The following IL7 variants were observed in gnomAD, a reference collection of about 807,000 sequenced individuals.
IL7 encodes the protein interleukin-7.
In IL7, 3 loss-of-function variants were observed where a neutral mutation model predicts 21.6. That is an observed-to-expected ratio of 0.14 (90% CI 0.06 to 0.36). The LOEUF is 0.36. IL7 is among the 10% of genes least tolerant of loss of function. IL7 has a pLI of 1.00. For missense variants in IL7, 175 were observed against 200.2 expected (o/e 0.87, Z 0.76); for synonymous variants, 62 against 68.1 (o/e 0.91, Z 0.44).
At chr8:78,760,971 G>A in intron 2 of IL7, 1 of 1,578,628 alleles carries the variant, frequency 6.3e-7, no homozygotes, top group Admixed American at 1.9e-5. Context: ...ACATTTTTAA[G>A]AACAACAATA....
chr8:78,746,051 A>G (rs6998276), intron 2 of IL7, among the ~76,000 whole-genome samples: 5,631 of 152,294 alleles, frequency 0.037, 315 homozygotes, highest in African/African-American at 0.13. Context: ...CAACATTCTT[A>G]ATTCAATCAC....
chr8:78,680,728 G>A (rs1474108375), intron 4 of IL7, among the ~76,000 whole-genome samples: 2 of 152,178 alleles, frequency 1.3e-5, no homozygotes, highest in African/African-American at 2.4e-5. Context: ...CGTAAGAGGA[G>A]GTATAGGAAA....
downstream of IL7, among the ~76,000 whole-genome samples, chr8:78,728,499 G>A (rs1313458048): frequency 6.6e-6 from 1 of 152,010 alleles, no homozygotes; most frequent in Admixed American, 6.6e-5. Context: ...ATTTACAATA[G>A]TGCAAAGGTA....
intron 2 of IL7, among the ~76,000 whole-genome samples, chr8:78,775,346 A>C (rs1813097217): frequency 6.6e-6 from 1 of 152,106 alleles, no homozygotes; most frequent in Non-Finnish European, 1.5e-5. Context: ...AAAATTATAC[A>C]TATCCTACTC....
chr8:78,790,592 T>C (rs111416652), intron 2 of IL7, among the ~76,000 whole-genome samples: 3,683 of 152,204 alleles, frequency 0.024, 153 homozygotes, highest in African/African-American at 0.084. Context: ...AAATCTGTCC[T>C]TAATATACAT....
intron 2 of IL7, among the ~76,000 whole-genome samples, chr8:78,747,743 G>A (rs1259626708): frequency 1.3e-5 from 2 of 152,152 alleles, no homozygotes; most frequent in Non-Finnish European, 1.5e-5. Flanking sequence ...ATACAACAGG[G>A]ATCAAAATCA....
At chr8:78,708,562 TA>T (rs549929700) in intron 3 of IL7, among the ~76,000 whole-genome samples, 3 of 151,622 alleles carry the variant, frequency 2.0e-5, no homozygotes, top group Non-Finnish European at 2.9e-5. Context: ...TTTTTAAATG[TA>T]AAAAAAAGCA....
rs376924937 is a variant in IL7, at chr8:78,720,064, T to G, written n.477-954A>C. ...TCAAGGTTAATAGGAAACATGGACG[T>G]TTCTAGTTAAGAGCTATACAGTTTA... On this transcript the variant is annotated intron_variant and non_coding_transcript_variant, in intron 5 of 6. Coordinates refer to the IL7 transcript ENST00000519833. 4.6e-5 allele frequency among the ~76,000 whole-genome samples: 7 copies of G among 151,944 alleles called. No homozygotes were observed. The East Asian group carries it at 7.7e-4, about 17-fold the overall frequency.
rs988930777 is a variant in IL7, at chr8:78,755,753, A to G, written c.148-15671T>C. On this transcript the variant is annotated intron_variant, in intron 2 of 5. Transcript: ENST00000263851. ...CCTGGTGGAGTATTTAGATTTTTCTATGTATAATCATGTCATCTGCAAAGA... is the reference window on the plus strand; with the variant it reads ...CCTGGTGGAGTATTTAGATTTTTCTGTGTATAATCATGTCATCTGCAAAGA... 2.8e-4 allele frequency among the ~76,000 whole-genome samples: 42 copies of G among 152,082 alleles called. 1 individual carries two copies. In the East Asian group the frequency reaches 3.3e-3, roughly 12 times the overall value.
rs376881218 is a variant in IL7 at position 78,733,167 on chromosome 8, C to T, written c.*546G>A. 6.6e-6 allele frequency: 1 copy of T among 151,862 alleles called. No homozygotes were observed. Among genetic ancestry groups the T allele is most frequent in the African/African-American group, 2.4e-5 (1 of 41,322 alleles). 9.4% of individuals were successfully genotyped at this position (151,862 alleles called of 1,614,324 possible). On this transcript the variant is annotated 3_prime_UTR_variant, in exon 6 of 6. Transcript: ENST00000263851. Reference sequence around the variant, plus strand: ...GAAATCTCTTTTAGGTATCTTGGACCTTGTTATGCTGTTGCTTACTTAAGG... The same window carrying T: ...GAAATCTCTTTTAGGTATCTTGGACTTTGTTATGCTGTTGCTTACTTAAGG...
rs1812174701 is a variant in IL7 at position 78,751,600 on chromosome 8, T to C, written c.148-11518A>G. 2.6e-5 allele frequency among the ~76,000 whole-genome samples: 4 copies of C among 152,294 alleles called. 1 individual carries two copies. The highest frequency in any genetic ancestry group is 1.3e-4 in the Admixed American group (2 of 15,304). On this transcript the variant is annotated intron_variant, in intron 2 of 5. Coordinates refer to ENST00000263851, the MANE Select transcript of IL7 (RefSeq NM_000880.4). ...ATAAGTGAAGGTAAAATAAATACTT[T>C]CCCTTATTTTTACTTTTTTTCCTTT... is the stretch of plus-strand genomic sequence containing the variant.
intron 2 of IL7, among the ~76,000 whole-genome samples, chr8:78,770,833 C>T (rs1434499158): frequency 6.6e-6 from 1 of 152,066 alleles, no homozygotes; most frequent in East Asian, 1.9e-4. Flanking sequence ...TAAAATCACT[C>T]TTCTTTTTTT....
At chr8:78,721,645 C>T (rs1811240036) in intron 3 of IL7, among the ~76,000 whole-genome samples, 1 of 151,930 alleles carries the variant, frequency 6.6e-6, no homozygotes, top group Non-Finnish European at 1.5e-5. Flanking sequence ...GATTTTCACT[C>T]ATCAAATCAG....
At chr8:78,761,558 C>G in intron 2 of IL7, 1 of 1,611,918 alleles carries the variant, frequency 6.2e-7, no homozygotes, top group Non-Finnish European at 8.5e-7. Flanking sequence ...AAATTCCTCT[C>G]TTAGGTTATG....
intron 4 of IL7, among the ~76,000 whole-genome samples, chr8:78,678,065 C>G (rs972128089): frequency 2.0e-5 from 3 of 152,096 alleles, no homozygotes; most frequent in Admixed American, 1.3e-4. Flanking sequence ...CTCTCGTCAC[C>G]ATTTTTGTTT....
At chr8:78,760,982 G>A (rs1812535258) in intron 2 of IL7, 1 of 1,592,532 alleles carries the variant, frequency 6.3e-7, no homozygotes, top group African/African-American at 1.4e-5. Context: ...AACAACAATA[G>A]TAACAATGAA....
chr8:78,689,303 C>T (rs768143827), intron 3 of IL7: 10 of 1,602,530 alleles, frequency 6.2e-6, no homozygotes, highest in Non-Finnish European at 8.5e-6. Context: ...AAAGAACAGG[C>T]AGCACGTATT....
At chr8:78,798,017 A>C in intron 2 of IL7, 55 bp downstream of exon 2, 1 of 1,446,446 alleles carries the variant, frequency 6.9e-7, no homozygotes. Context: ...CATACCAAAA[A>C]GGTTCAAATT....
intron 3 of IL7, among the ~76,000 whole-genome samples, chr8:78,703,264 G>T (rs999824064): frequency 6.6e-6 from 1 of 152,140 alleles, no homozygotes; most frequent in Non-Finnish European, 1.5e-5. Context: ...TTAGGGTGGA[G>T]AATTCTGTAA....
Sources: allele counts gnomAD v4.1 joint callset (sites outside exome capture counted in the v4.1 genomes callset), GRCh38; gene constraint gnomAD v4.1.1; transcripts MANE v1.5; gene names NCBI Gene and HGNC (gene_info 2026-07-23, HGNC 2026-07-21).